ST3GAL6: variants seen among roughly 807,000 people sequenced by gnomAD.
ST3GAL6 encodes type 2 lactosamine alpha-2,3-sialyltransferase.
ST3GAL6 carries 31 observed loss-of-function variants against 40.5 expected under a neutral mutation model. The observed-to-expected ratio is 0.77, with a 90% CI of 0.58 to 1.03. The LOEUF (loss-of-function observed/expected upper bound fraction) is 1.03, where lower values mean the gene tolerates loss of function less well. Ranked by LOEUF, ST3GAL6 falls within the 50% of genes least tolerant of loss-of-function variation. ST3GAL6 has a pLI of 0.00. For synonymous variants in ST3GAL6, 129 were observed against 136.9 expected (o/e 0.94, Z 0.40); for missense variants, 357 against 393.2 (o/e 0.91, Z 0.78).
At chr3:98,762,980 T>C, upstream of ST3GAL6, 2 of 985,430 alleles carry the variant, frequency 2.0e-6, no homozygotes, top group Non-Finnish European at 2.4e-6. Flanking sequence ...TGAATGAAGC[T>C]GATCTCACGC....
intron 2 of ST3GAL6, among the ~76,000 whole-genome samples, chr3:98,769,904 G>C (rs1184098746): frequency 6.6e-6 from 1 of 152,018 alleles, no homozygotes; most frequent in Non-Finnish European, 1.5e-5. Context: ...CTAGTGTGCT[G>C]GTCCACCATA....
upstream of ST3GAL6, among the ~76,000 whole-genome samples, chr3:98,759,108 T>A (rs567826414): frequency 6.6e-6 from 1 of 152,326 alleles, no homozygotes; most frequent in Admixed American, 6.5e-5. Context: ...ATGGAAGTCT[T>A]AAATACCAGG....
intron 5 of ST3GAL6, among the ~76,000 whole-genome samples, chr3:98,778,406 C>G (rs180821976): frequency 6.6e-6 from 1 of 152,346 alleles, no homozygotes; most frequent in East Asian, 1.9e-4. Flanking sequence ...AACGGAATAT[C>G]AATATCTGCC....
At chr3:98,755,749 G>A (rs912089940) in intron 1 of ST3GAL6, among the ~76,000 whole-genome samples, 1 of 151,382 alleles carries the variant, frequency 6.6e-6, no homozygotes, top group Non-Finnish European at 1.5e-5. Context: ...GTGCGTGTCT[G>A]TGTGTGTGTG....
In ST3GAL6 at chr3:98,767,625, C is replaced by A. The variant is rs958576816; in HGVS notation, c.-11-805C>A. Among the ~76,000 whole-genome samples the A allele has an allele frequency of 2.6e-5, 4 of 152,190 alleles. No homozygotes were observed. The East Asian group carries it at 7.7e-4, about 29-fold the overall frequency. ...AACCATATGTTAAATTTGTCTTTTA[C>A]ATTTAATTACATAAGACAATGGAAA... On this transcript the variant is annotated intron_variant, in intron 1 of 9. Coordinates refer to ENST00000483910, the MANE Select transcript of ST3GAL6 (RefSeq NM_001323368.2).
chr3:98,740,802 A>G (rs72930986), intron 1 of ST3GAL6, among the ~76,000 whole-genome samples: 142 of 152,274 alleles, frequency 9.3e-4, no homozygotes, highest in African/African-American at 3.2e-3. Context: ...TGACAATTCT[A>G]TTCTTCCTCA....
At chr3:98,742,694 CT>C (rs11326863) in intron 1 of ST3GAL6, among the ~76,000 whole-genome samples, 24,104 of 142,390 alleles carry the variant, frequency 0.17, 1,913 homozygotes, top group African/African-American at 0.22. Context: ...TTCTTTCTTT[CT>C]TTTTTTTTTT....
At position 98,793,810 on chromosome 3, in the gene ST3GAL6, A is replaced by G. The variant is rs776123639; in HGVS notation, c.*49A>G. 4.0e-6 allele frequency: 5 copies of G among 1,237,706 alleles called. No homozygotes were observed. The South Asian group carries it at 7.2e-5, about 18-fold the overall frequency. 76.7% of individuals were successfully genotyped at this position (1,237,706 alleles called of 1,614,324 possible). On this transcript the variant is annotated 3_prime_UTR_variant, in exon 10 of 10. Coordinates refer to ENST00000483910, the MANE Select transcript of ST3GAL6 (RefSeq NM_001323368.2). ...CTAACAGTGTTAGTTTTATTTTTGT[A>G]CTGCAATTTTTAGTTTAAAATATGT... is the stretch of plus-strand genomic sequence containing the variant.
At chr3:98,742,694 C>CTTTT (rs11326863) in intron 1 of ST3GAL6, among the ~76,000 whole-genome samples, 4 of 142,520 alleles carry the variant, frequency 2.8e-5, no homozygotes, top group East Asian at 2.0e-4. Flanking sequence ...TTCTTTCTTT[C>CTTTT]TTTTTTTTTT....
chr3:98,763,145 AG>A (rs1266902299), upstream of ST3GAL6: 1 of 985,322 alleles, frequency 1.0e-6, no homozygotes, highest in Non-Finnish European at 1.2e-6. Context: ...GCTTAGGCTT[AG>A]GGGACCTATG....
At chr3:98,781,120 CAT>C (rs1940071726) in intron 5 of ST3GAL6, among the ~76,000 whole-genome samples, 1 of 152,312 alleles carries the variant, frequency 6.6e-6, no homozygotes, top group African/African-American at 2.4e-5. Context: ...AAATGTGACA[CAT>C]AGACACCATG....
chr3:98,763,471 G>A (rs976304342), intron 1 of ST3GAL6, 32 bp downstream of exon 1: 3 of 1,289,272 alleles, frequency 2.3e-6, no homozygotes, highest in African/African-American at 1.5e-5. Flanking sequence ...CTGCTTAAGG[G>A]GAAGGTTGTG....
rs1328415164 is a variant in ST3GAL6, at chr3:98,772,871, T to C, written c.226T>C (p.Tyr76His). Reference protein sequence around the residue: ...AADFRKIASLYGSDKFDLPYG... With the variant: ...AADFRKIASLHGSDKFDLPYG... ...TGATTTTAGAAAGATTGCTTCCTTG[T>C]ATGGTAGCGATAAGTTTGATTTGCC... The change falls in exon 4 of 10, where the codon TAT becomes CAT. Residue 76 changes from tyrosine to histidine, a missense_variant. Transcript: ENST00000483910. 5.0e-6 allele frequency: 8 copies of C among 1,613,204 alleles called. No individual in the cohort carries two copies. Among genetic ancestry groups the C allele is most frequent in the African/African-American group, 1.3e-5 (1 of 75,022 alleles).
At chr3:98,792,142 G>A (rs2107369720) in intron 9 of ST3GAL6, 149 bp downstream of exon 9, 1 of 662,024 alleles carries the variant, frequency 1.5e-6, no homozygotes, top group Non-Finnish European at 2.3e-6. Context: ...GGGCTACCAA[G>A]GGCTGTAACT....
rs553938907 is a variant in ST3GAL6 at position 98,752,495 on chromosome 3, G to A, written c.-11-15935G>A. 1.1e-4 allele frequency among the ~76,000 whole-genome samples: 17 copies of A among 147,930 alleles called. No homozygotes were observed. The East Asian group carries it at 2.2e-3, about 19-fold the overall frequency. On this transcript the variant is annotated intron_variant, in intron 1 of 9. Coordinates refer to the ST3GAL6 transcript ENST00000265261. ...TTTATTTATTTTATTTTTTTGAGAC[G>A]GAGTCTTGCTGTGTTGCCCAGGCTG...
In ST3GAL6 at chr3:98,793,692, G is replaced by T; in HGVS notation, c.927G>T (p.Val309=). 6.3e-7 allele frequency: 1 copy of T among 1,589,916 alleles called. No individual in the cohort carries two copies. Among genetic ancestry groups the T allele is most frequent in the South Asian group, 1.2e-5 (1 of 84,854 alleles). ...TTCTTTAGAACGCGTATCACAATGT[G>T]ACTGCAGAGCAGCTCTTTTTGAAGG... ...SLMNKNAYHN[V]TAEQLFLKDI... The change falls in exon 10 of 10, where the codon GTG becomes GTT. Residue 309 remains valine (V), a synonymous_variant. Transcript: ENST00000483910.
At chr3:98,756,348 T>C (rs1266913584) in intron 1 of ST3GAL6, 1 of 1,288,616 alleles carries the variant, frequency 7.8e-7, no homozygotes, top group Non-Finnish European at 1.0e-6. Flanking sequence ...AGAAACATAC[T>C]ATCTTTATGT....
chr3:98,784,250 G>A (rs2107309552), intron 5 of ST3GAL6, among the ~76,000 whole-genome samples: 1 of 152,350 alleles, frequency 6.6e-6, no homozygotes, highest in East Asian at 1.9e-4. Flanking sequence ...AGCTGGGAGA[G>A]AGATGGACCA....
chr3:98,746,593 A>G (rs1559724273), intron 1 of ST3GAL6, among the ~76,000 whole-genome samples: 1 of 152,094 alleles, frequency 6.6e-6, no homozygotes, highest in East Asian at 1.9e-4. Flanking sequence ...CTACCTTTTA[A>G]TGTTTTCTCA....
Sources: allele counts gnomAD v4.1 joint callset (sites outside exome capture counted in the v4.1 genomes callset), GRCh38; gene constraint gnomAD v4.1.1; transcripts MANE v1.5; gene names NCBI Gene and HGNC (gene_info 2026-07-23, HGNC 2026-07-21).